PDE4D: variants seen among roughly 807,000 people sequenced by gnomAD.
The protein encoded by PDE4D is 3',5'-cyclic-AMP phosphodiesterase 4D.
In PDE4D, 24 loss-of-function variants were observed where a neutral mutation model predicts 87.4. That is an observed-to-expected ratio of 0.27 (90% CI 0.20 to 0.39). PDE4D has a LOEUF of 0.39. Ranked by LOEUF, PDE4D falls within the 10% of genes least tolerant of loss-of-function variation. The probability of loss-of-function intolerance (pLI) is 1.00; values close to 1 mark genes in which losing one functional copy is unlikely to be tolerated. For missense variants in PDE4D, 714 were observed against 1,041.0 expected (o/e 0.69, Z 4.32); for synonymous variants, 384 against 383.2 (o/e 1.00, Z -0.02).
chr5:60,158,602 G>A (rs915985169), intron 2 of PDE4D, among the ~76,000 whole-genome samples: 3 of 152,168 alleles, frequency 2.0e-5, no homozygotes, highest in South Asian at 2.1e-4. Context: ...TCGCCCTGTC[G>A]CCCAGGCTGG....
intron 3 of PDE4D, among the ~76,000 whole-genome samples, chr5:59,924,439 C>T (rs1010303309): frequency 6.6e-6 from 1 of 151,788 alleles, no homozygotes; most frequent in African/African-American, 2.4e-5. Context: ...ATTTAATAAT[C>T]AAACTCCCAA....
intron 2 of PDE4D, among the ~76,000 whole-genome samples, chr5:59,198,142 T>TA (rs1271315864): frequency 6.6e-6 from 1 of 152,046 alleles, no homozygotes; most frequent in Non-Finnish European, 1.5e-5. Context: ...TTCATTTAAA[T>TA]AAAAACAATT....
rs74358675 is a variant in PDE4D, at chr5:60,107,023, G to A, written c.42+78534C>T. On this transcript the variant is annotated intron_variant, in intron 2 of 16. Transcript: ENST00000502484. ...TAACTAAAATCAGAGGAGAACTGAAGGAAATAGAGACACAAAAAACCCTTC... is the reference window on the plus strand; with the variant it reads ...TAACTAAAATCAGAGGAGAACTGAAAGAAATAGAGACACAAAAAACCCTTC... Among the ~76,000 whole-genome samples, 325 of 139,044 alleles carry A rather than the reference G, an allele frequency of 2.3e-3. 1 individual carries two copies. Among genetic ancestry groups the A allele is most frequent in the African/African-American group, 7.4e-3 (277 of 37,480 alleles). The allele number at this position is 139,044 out of a possible 152,430, so 91.2% of individuals were successfully genotyped here.
intron 1 of PDE4D, among the ~76,000 whole-genome samples, chr5:60,334,633 T>C (rs935008890): frequency 2.0e-5 from 3 of 151,982 alleles, no homozygotes; most frequent in African/African-American, 7.3e-5. Flanking sequence ...TAGTATTTCC[T>C]ATTTAGGAGA....
Position 60,251,822 on chromosome 5 carries a change from T to C in PDE4D, c.-89-66135A>G, listed in dbSNP as rs532822411. On this transcript the variant is annotated intron_variant, in intron 1 of 16. Transcript: ENST00000502484. The stretch of plus-strand genomic sequence containing the variant: ...TGTACAGTGTTTATAAAGTCTATAG[T>C]AGTGTATAGTAATGTTCTGGGCCTT... 5.9e-4 allele frequency among the ~76,000 whole-genome samples: 90 copies of C among 152,032 alleles called. 1 individual carries two copies. The highest frequency in any genetic ancestry group is 1.1e-3 in the Admixed American group (17 of 15,234).
At chr5:59,218,056 G>T in intron 1 of PDE4D, 1 of 454,984 alleles carries the variant, frequency 2.2e-6, no homozygotes, top group African/African-American at 2.0e-5. Flanking sequence ...AAGGTATTTA[G>T]TACACAACTG....
chr5:59,596,568 A>G (rs1260991683), intron 1 of PDE4D, among the ~76,000 whole-genome samples: 1 of 151,962 alleles, frequency 6.6e-6, no homozygotes, highest in Non-Finnish European at 1.5e-5. Context: ...CTGGTGCATA[A>G]TAAGGACTCA....
chr5:59,831,924 G>C (rs561837174), intron 1 of PDE4D, among the ~76,000 whole-genome samples: 1 of 152,022 alleles, frequency 6.6e-6, no homozygotes, highest in Non-Finnish European at 1.5e-5. Flanking sequence ...GCACCAGAAA[G>C]GGCTCTACGA....
chr5:59,143,462 C>G (rs1187299243), intron 5 of PDE4D, among the ~76,000 whole-genome samples: 2 of 152,162 alleles, frequency 1.3e-5, no homozygotes, highest in Non-Finnish European at 2.9e-5. Flanking sequence ...CTGACCCAGT[C>G]TGGACTTCAG....
intron 1 of PDE4D, among the ~76,000 whole-genome samples, chr5:59,577,085 C>T (rs150064546): frequency 6.6e-6 from 1 of 152,168 alleles, no homozygotes; most frequent in African/African-American, 2.4e-5. Flanking sequence ...AGATTGAGGA[C>T]TTCATATCAT....
chr5:59,011,646 G>A (rs1371411113), intron 6 of PDE4D, among the ~76,000 whole-genome samples: 1 of 152,182 alleles, frequency 6.6e-6, no homozygotes, highest in African/African-American at 2.4e-5. Context: ...CAAGAAATAT[G>A]GGACTATGTG....
chr5:59,938,225 C>T (rs1756818783), intron 3 of PDE4D, among the ~76,000 whole-genome samples: 1 of 152,160 alleles, frequency 6.6e-6, no homozygotes, highest in Non-Finnish European at 1.5e-5. Context: ...TACCATCCTT[C>T]ACTTTGTATC....
chr5:60,110,772 A>G (rs1252060340), intron 2 of PDE4D, among the ~76,000 whole-genome samples: 1 of 152,116 alleles, frequency 6.6e-6, no homozygotes, highest in Non-Finnish European at 1.5e-5. Flanking sequence ...CAACAGACAA[A>G]TAGATAAAGA....
intron 2 of PDE4D, among the ~76,000 whole-genome samples, chr5:59,990,298 C>T (rs1197705272): frequency 6.6e-6 from 1 of 152,144 alleles, no homozygotes; most frequent in East Asian, 1.9e-4. Flanking sequence ...AAAGAGTTTG[C>T]ACTCAACAAA....
At chr5:60,138,309 C>A (rs140848388) in intron 2 of PDE4D, among the ~76,000 whole-genome samples, 2 of 152,152 alleles carry the variant, frequency 1.3e-5, no homozygotes, top group African/African-American at 2.4e-5. Context: ...TGTTTTGATG[C>A]AACCCCTTGT....
intron 2 of PDE4D, among the ~76,000 whole-genome samples, chr5:60,014,934 G>A (rs568273026): frequency 9.2e-5 from 14 of 152,254 alleles, no homozygotes; most frequent in African/African-American, 3.4e-4. Context: ...CCAGAGAACA[G>A]GATCCTTTTC....
chr5:59,140,157 C>T (rs567004592), intron 5 of PDE4D, among the ~76,000 whole-genome samples: 2 of 152,262 alleles, frequency 1.3e-5, no homozygotes, highest in South Asian at 2.1e-4. Context: ...ATATGAACAG[C>T]CATGTTGGCT....
chr5:59,653,020 A>G (rs1247554820), intron 1 of PDE4D, among the ~76,000 whole-genome samples: 2 of 152,068 alleles, frequency 1.3e-5, no homozygotes, highest in Non-Finnish European at 2.9e-5. Context: ...AGTAATTAAA[A>G]TTTAAGTGTC....
chr5:59,690,766 A>G (rs1344080661), intron 1 of PDE4D, among the ~76,000 whole-genome samples: 2 of 152,190 alleles, frequency 1.3e-5, no homozygotes, highest in East Asian at 1.9e-4. Context: ...AGAAACTACC[A>G]TTGGAGTGAA....
Sources: allele counts gnomAD v4.1 joint callset (sites outside exome capture counted in the v4.1 genomes callset), GRCh38; gene constraint gnomAD v4.1.1; transcripts MANE v1.5; gene names NCBI Gene and HGNC (gene_info 2026-07-23, HGNC 2026-07-21).